EPHA6: variants seen among roughly 807,000 people sequenced by gnomAD.
EPHA6 encodes the protein EPH receptor A6.
EPHA6 carries 50 observed loss-of-function variants against 112.0 expected under a neutral mutation model. That is an observed-to-expected ratio of 0.45 (90% CI 0.36 to 0.56). The LOEUF is 0.56. Ranked by LOEUF, EPHA6 falls within the 20% of genes least tolerant of loss-of-function variation. The pLI is 0.00. For missense variants in EPHA6, 1,280 were observed against 1,417.4 expected, an observed-to-expected ratio of 0.90 and a Z score of 1.56; for synonymous variants, 529 against 490.7, an observed-to-expected ratio of 1.08 and a Z score of -1.03.
intron 5 of EPHA6, among the ~76,000 whole-genome samples, chr3:97,363,430 C>A (rs1300232131): frequency 6.6e-6 from 1 of 150,800 alleles, no homozygotes; most frequent in Non-Finnish European, 1.5e-5. Context: ...GTTTACTTAT[C>A]TCATTATAAA....
In EPHA6 at chr3:97,750,481, C is replaced by T. The variant is rs2035872962; in HGVS notation, c.*1780C>T. Among the ~76,000 whole-genome samples, 1 of 151,882 alleles carries T rather than the reference C, an allele frequency of 6.6e-6. No homozygotes were observed. Among genetic ancestry groups the T allele is most frequent in the East Asian group, 1.9e-4 (1 of 5,170 alleles). ...AAGCGATTCTCCTGCCTCAGCCACC[C>T]GAGTAGCTGGGATTACAGGCGCCTG... On this transcript the variant is annotated 3_prime_UTR_variant, in exon 18 of 18. Transcript: ENST00000389672.
At chr3:97,664,395 C>T (rs2094191469) in intron 14 of EPHA6, among the ~76,000 whole-genome samples, 1 of 152,160 alleles carries the variant, frequency 6.6e-6, no homozygotes, top group African/African-American at 2.4e-5. Flanking sequence ...GAAGCATTCC[C>T]TTTGAAAACT....
chr3:97,557,025 A>G (rs1012032116), intron 11 of EPHA6, among the ~76,000 whole-genome samples: 3 of 152,096 alleles, frequency 2.0e-5, no homozygotes, highest in Admixed American at 2.0e-4. Context: ...TCTTTTACTT[A>G]ACCTTTCAAT....
rs1490257954 is a variant in EPHA6 at position 97,758,019 on chromosome 3, A to G, written c.*9318A>G. 6.6e-6 allele frequency among the ~76,000 whole-genome samples: 1 copy of G among 151,910 alleles called. No homozygotes were observed. The highest frequency in any genetic ancestry group is 1.5e-5 in the Non-Finnish European group (1 of 67,822). The stretch of plus-strand genomic sequence containing the variant: ...GAAAGCAAACTCTTCTCATGAATGG[A>G]AATACAAAATGAAAATTCTCCACTG... On this transcript the variant is annotated 3_prime_UTR_variant, in exon 18 of 18. Transcript: ENST00000389672.
intron 3 of EPHA6, among the ~76,000 whole-genome samples, chr3:97,197,022 T>TA (rs897682151): frequency 6.6e-6 from 1 of 151,822 alleles, no homozygotes; most frequent in African/African-American, 2.4e-5. Context: ...GCGCTTCACT[T>TA]AGCAGGTGAC....
intron 5 of EPHA6, among the ~76,000 whole-genome samples, chr3:97,271,559 T>C (rs1314166367): frequency 1.3e-5 from 2 of 152,162 alleles, no homozygotes; most frequent in East Asian, 3.9e-4. Flanking sequence ...GGTTTCAGCA[T>C]GTTGATCAGG....
intron 5 of EPHA6, among the ~76,000 whole-genome samples, chr3:97,359,374 G>A (rs574939930): frequency 6.7e-6 from 1 of 148,956 alleles, no homozygotes; most frequent in Non-Finnish European, 1.5e-5. Flanking sequence ...TGTATTTTTA[G>A]CTCCAGAATT....
At chr3:96,987,043 A>G (rs1180312157) in intron 2 of EPHA6, among the ~76,000 whole-genome samples, 2 of 152,228 alleles carry the variant, frequency 1.3e-5, no homozygotes, top group East Asian at 1.9e-4. Flanking sequence ...CAACCCTGTG[A>G]AACAGGTACT....
chr3:97,520,858 T>C (rs1474511264), intron 10 of EPHA6, among the ~76,000 whole-genome samples: 1 of 152,228 alleles, frequency 6.6e-6, no homozygotes, highest in East Asian at 1.9e-4. Flanking sequence ...GGTCACTATA[T>C]GGTGTCCCAT....
At chr3:97,032,224 A>C (rs2044883445) in intron 3 of EPHA6, among the ~76,000 whole-genome samples, 1 of 152,064 alleles carries the variant, frequency 6.6e-6, no homozygotes. Context: ...GCGTGTTCTC[A>C]CTCATAGGTG....
At chr3:97,123,998 C>G (rs1365703656) in intron 3 of EPHA6, among the ~76,000 whole-genome samples, 1 of 151,986 alleles carries the variant, frequency 6.6e-6, no homozygotes, top group African/African-American at 2.4e-5. Flanking sequence ...TGAGAACCAG[C>G]AATGCTTTAT....
chr3:97,573,192 A>G (rs7614909), intron 11 of EPHA6, among the ~76,000 whole-genome samples: 41,943 of 152,118 alleles, frequency 0.28, 8,944 homozygotes, highest in African/African-American at 0.59. Flanking sequence ...ACTTGATTTG[A>G]TAATTGTTGG....
At chr3:97,309,376 G>T (rs192947158) in intron 5 of EPHA6, among the ~76,000 whole-genome samples, 49 of 151,520 alleles carry the variant, frequency 3.2e-4, no homozygotes, top group African/African-American at 1.0e-3. Context: ...TATTGTACAA[G>T]AAATTTTTAA....
chr3:97,411,854 G>A (rs990367825), intron 6 of EPHA6, among the ~76,000 whole-genome samples: 26 of 151,968 alleles, frequency 1.7e-4, no homozygotes, highest in African/African-American at 4.8e-4. Flanking sequence ...TTAAGCAAAG[G>A]GATATGATCC....
At chr3:97,177,881 G>T (rs61678959) in intron 3 of EPHA6, among the ~76,000 whole-genome samples, 156 of 151,964 alleles carry the variant, frequency 1.0e-3, no homozygotes, top group African/African-American at 3.6e-3. Context: ...CAGATCAGTG[G>T]GTCTTGTTTT....
At chr3:97,471,285 G>C (rs16838733) in intron 7 of EPHA6, among the ~76,000 whole-genome samples, 28,721 of 151,532 alleles carry the variant, frequency 0.19, 4,098 homozygotes, top group African/African-American at 0.38. Flanking sequence ...CACTGCCAGA[G>C]GCTGCTTATT....
chr3:97,231,803 G>GGGCATTTCCTGACTGCCCCCTCA, intron 4 of EPHA6, among the ~76,000 whole-genome samples: 2 of 152,176 alleles, frequency 1.3e-5, no homozygotes, highest in Non-Finnish European at 2.9e-5. Context: ...AAGAATAGAT[G>GGGCATTTCCTGACTGCCCCCTCA]AAATGTCTTT....
intron 5 of EPHA6, among the ~76,000 whole-genome samples, chr3:97,308,180 T>C (rs1200212649): frequency 6.6e-6 from 1 of 151,698 alleles, no homozygotes; most frequent in Non-Finnish European, 1.5e-5. Context: ...TCCACTAATT[T>C]CCTTAACTCA....
chr3:97,337,717 C>T lies in EPHA6; in HGVS notation c.1607-67433C>T, dbSNP rs142058138. Among the ~76,000 whole-genome samples, 443 of 152,208 alleles carry T rather than the reference C, an allele frequency of 2.9e-3. 2 individuals carry two copies. The highest frequency in any genetic ancestry group is 9.9e-3 in the African/African-American group (412 of 41,534). Reference sequence around the variant, plus strand: ...ATAACTGGAAAAATGAGTCCATCAGCCCCGAAAGCTGTATCCTCTAATAGG... The same window carrying T: ...ATAACTGGAAAAATGAGTCCATCAGTCCCGAAAGCTGTATCCTCTAATAGG... On this transcript the variant is annotated intron_variant, in intron 5 of 17. Transcript: ENST00000389672.
Sources: allele counts gnomAD v4.1 joint callset (sites outside exome capture counted in the v4.1 genomes callset), GRCh38; gene constraint gnomAD v4.1.1; transcripts MANE v1.5; gene names NCBI Gene and HGNC (gene_info 2026-07-23, HGNC 2026-07-21).